The following NOS1 variants were observed in gnomAD, a reference collection of about 807,000 sequenced individuals.
The protein encoded by NOS1 is NOS type I.
Under a neutral mutation model 164.5 loss-of-function variants are expected in NOS1, and 51 were observed. That is an observed-to-expected ratio of 0.31 (90% CI 0.25 to 0.39). NOS1 has a LOEUF of 0.39. Ranked by LOEUF, NOS1 falls within the 10% of genes least tolerant of loss-of-function variation. NOS1 has a pLI of 1.00. For missense variants in NOS1, 1,362 were observed against 1,885.6 expected (o/e 0.72, Z 5.14); for synonymous variants, 719 against 745.8 (o/e 0.96, Z 0.59).
chr12:117,330,891 G>T lies in NOS1; in HGVS notation c.179C>A (p.Ala60Asp). ...GTTGACCGCAAGAATGATGTCTCCGGCCTGGATGAGGCCACTCTGCTCTGC... is the reference window on the plus strand; with the variant it reads ...GTTGACCGCAAGAATGATGTCTCCGTCCTGGATGAGGCCACTCTGCTCTGC... ...GAAEQSGLIQ[A>D]GDIILAVNGR... Residue 60 changes from alanine to aspartate, a missense_variant, in exon 2 of 29, where the codon GCC becomes GAC. Transcript: ENST00000317775. This position sits in a 1 kb window ranked among gnomAD's most constrained non-coding sequence, Gnocchi z 4.6. The T allele has an allele frequency of 6.2e-7, 1 of 1,614,162 alleles. No homozygotes were observed. The highest frequency in any genetic ancestry group is 8.5e-7 in the Non-Finnish European group (1 of 1,180,032).
intron 7 of NOS1, among the ~76,000 whole-genome samples, chr12:117,284,261 C>T (rs1340589766): frequency 6.6e-6 from 1 of 152,154 alleles, no homozygotes; most frequent in Non-Finnish European, 1.5e-5. Context: ...GGAACAGATG[C>T]CGTGGCAGCA....
chr12:117,337,727 T>C (rs1200444128), intron 1 of NOS1, among the ~76,000 whole-genome samples: 1 of 151,926 alleles, frequency 6.6e-6, no homozygotes, highest in Non-Finnish European at 1.5e-5. Context: ...CAGAACCATA[T>C]GAATAGAGAG....
At chr12:117,235,696 C>A (rs910755616) in intron 20 of NOS1, among the ~76,000 whole-genome samples, 1 of 152,126 alleles carries the variant, frequency 6.6e-6, no homozygotes, top group African/African-American at 2.4e-5. Context: ...TGTGCTAATC[C>A]AACAGCTTTC....
chr12:117,286,179 C>T lies in NOS1; in HGVS notation c.1215G>A (p.Glu405=), dbSNP rs1874101012. 1 of 1,614,102 alleles carries T rather than the reference C, an allele frequency of 6.2e-7. No homozygotes were observed. Among genetic ancestry groups the T allele is most frequent in the Non-Finnish European group, 8.5e-7 (1 of 1,180,052 alleles). ...TTSTYQLKDT[E]LIYGAKHAWR... ...AGGCGTGCTTGGCCCCATAGATGAG[C>T]TCTGTGTCCTTGAGCTGGTAAGTGC... The change falls in exon 6 of 29, where the codon GAG becomes GAA. Residue 405 remains glutamate (E), a synonymous_variant. Transcript: ENST00000317775.
intron 13 of NOS1, among the ~76,000 whole-genome samples, chr12:117,261,831 C>T: frequency 6.6e-6 from 1 of 152,130 alleles, no homozygotes; most frequent in East Asian, 1.9e-4. Flanking sequence ...AAAGATGCTG[C>T]CACTGAGACC....
chr12:117,231,619 C>A (rs57081072), intron 22 of NOS1, among the ~76,000 whole-genome samples: 214 of 152,178 alleles, frequency 1.4e-3, no homozygotes, highest in African/African-American at 4.9e-3. Context: ...TATCTTTAAA[C>A]CAAGGCATGG....
At chr12:117,290,102 C>T (rs1199821751) in intron 4 of NOS1, among the ~76,000 whole-genome samples, 196 bp downstream of exon 4, 1 of 152,232 alleles carries the variant, frequency 6.6e-6, no homozygotes, top group Non-Finnish European at 1.5e-5. Context: ...GACGGCAGTG[C>T]TCCTGCTCTG....
Position 117,211,801 on chromosome 12 carries a change from C to T in NOS1, c.*3508G>A, listed in dbSNP as rs1043833974. 2 of 985,144 alleles carry T rather than the reference C, an allele frequency of 2.0e-6. No individual in the cohort carries two copies. The highest frequency in any genetic ancestry group is 2.4e-6 in the Non-Finnish European group (2 of 829,906). The allele number at this position is 985,144 out of a possible 1,614,324, so 61.0% of individuals were successfully genotyped here. On this transcript the variant is annotated 3_prime_UTR_variant, in exon 29 of 29. Transcript: ENST00000317775. Reference sequence around the variant, plus strand: ...TAACCTTTGGCTGGGCGTGGTGGCTCATGCCTGTAATCCAGCACTTTGGGA... The same window carrying T: ...TAACCTTTGGCTGGGCGTGGTGGCTTATGCCTGTAATCCAGCACTTTGGGA...
chr12:117,317,806 G>A (rs923780207), intron 2 of NOS1, among the ~76,000 whole-genome samples: 1 of 152,102 alleles, frequency 6.6e-6, no homozygotes, highest in Non-Finnish European at 1.5e-5. Flanking sequence ...TGTGGCCAGG[G>A]CTATCAGGTG....
At chr12:117,224,134 G>T (rs972428973) in intron 25 of NOS1, among the ~76,000 whole-genome samples, 8 of 152,090 alleles carry the variant, frequency 5.3e-5, no homozygotes, top group African/African-American at 1.9e-4. Flanking sequence ...CTGACTGATT[G>T]ATTTGTTTTT....
At chr12:117,322,835 T>C (rs1022881149) in intron 2 of NOS1, among the ~76,000 whole-genome samples, 1 of 134,204 alleles carries the variant, frequency 7.5e-6, no homozygotes, top group Non-Finnish European at 1.6e-5. Context: ...CCTTCCCTCC[T>C]TCCTTGCTTC....
chr12:117,330,664 A>T lies in NOS1; in HGVS notation c.406T>A (p.Ser136Thr), dbSNP rs753051401. 17 of 1,612,456 alleles carry T rather than the reference A, an allele frequency of 1.1e-5. No homozygotes were observed. The African/African-American group carries it at 2.1e-4, about 20-fold the overall frequency. Residue 136 changes from serine to threonine, a missense_variant, in exon 2 of 29, where the codon TCC (serine) becomes ACC (threonine). Coordinates refer to ENST00000317775, the MANE Select transcript of NOS1 (RefSeq NM_000620.5). This position sits in a 1 kb window ranked among gnomAD's most constrained non-coding sequence, Gnocchi z 4.6. ...LGPPTKAVDL[S>T]HQPPAGKEQP... ...TCTTTGCCGGCCGGTGGCTGGTGGG[A>T]CAGATCCACGGCTTTGGTGGGGGGA...
In NOS1 at chr12:117,211,942, G is replaced by A. The variant is rs1462874041; in HGVS notation, c.*3367C>T. ...TAGCTGGGCGTGGTGGTAGGCGCCTGTAGTCCCAGTTACTCAGGAGGCCGA... is the reference window on the plus strand; with the variant it reads ...TAGCTGGGCGTGGTGGTAGGCGCCTATAGTCCCAGTTACTCAGGAGGCCGA... On this transcript the variant is annotated 3_prime_UTR_variant, in exon 29 of 29. Coordinates refer to ENST00000317775, the MANE Select transcript of NOS1 (RefSeq NM_000620.5). 4 of 620,270 alleles carry A rather than the reference G, an allele frequency of 6.4e-6. No homozygotes were observed. Among genetic ancestry groups the A allele is most frequent in the Non-Finnish European group, 8.1e-6 (4 of 496,714 alleles). The allele number at this position is 620,270 out of a possible 1,614,324, so 38.4% of individuals were successfully genotyped here.
chr12:117,222,055 G>A (rs1404561877), intron 26 of NOS1, among the ~76,000 whole-genome samples: 2 of 151,962 alleles, frequency 1.3e-5, no homozygotes, highest in African/African-American at 2.4e-5. Flanking sequence ...CCTTCTCAGT[G>A]TTACGGGATC....
At position 117,220,130 on chromosome 12, in the gene NOS1, G is replaced by A. The variant is rs1180666246; in HGVS notation, c.4115C>T (p.Thr1372Ile). 1 of 1,613,936 alleles carries A rather than the reference G, an allele frequency of 6.2e-7. No individual in the cohort carries two copies. Among genetic ancestry groups the A allele is most frequent in the South Asian group, 1.1e-5 (1 of 91,060 alleles). Residue 1372 changes from threonine to isoleucine, a missense_variant, in exon 27 of 29, where the codon ACC (threonine) becomes ATC (isoleucine). Transcript: ENST00000317775. ...CTCTGCCGAGAGCTTCCCCTGCTGG[G>A]TCATGATGCGCTGGATGGCTTTGAG... is the stretch of plus-strand genomic sequence containing the variant. ...DVLKAIQRIM[T>I]QQGKLSAEDA...
intron 8 of NOS1, among the ~76,000 whole-genome samples, chr12:117,279,157 T>C (rs1566055435): frequency 2.0e-5 from 3 of 152,004 alleles, no homozygotes; most frequent in African/African-American, 7.2e-5. Flanking sequence ...GGTGGGCGGA[T>C]CATGAGGTCA....
intron 8 of NOS1, among the ~76,000 whole-genome samples, chr12:117,278,707 T>C (rs567291128): frequency 6.6e-6 from 1 of 151,978 alleles, no homozygotes; most frequent in South Asian, 2.1e-4. Flanking sequence ...GTGAAAATAA[T>C]TTTGATTTTA....
intron 1 of NOS1, among the ~76,000 whole-genome samples, chr12:117,346,662 C>A (rs1444102250): frequency 6.6e-6 from 1 of 152,154 alleles, no homozygotes; most frequent in Non-Finnish European, 1.5e-5. Flanking sequence ...CAAGGCCCAG[C>A]CCAGACCTAT....
At chr12:117,307,180 G>A (rs1010173036) in intron 3 of NOS1, among the ~76,000 whole-genome samples, 2 of 152,020 alleles carry the variant, frequency 1.3e-5, no homozygotes, top group African/African-American at 4.8e-5. Context: ...TTCTTCCTTC[G>A]AACCGAGATC....
Sources: allele counts gnomAD v4.1 joint callset (sites outside exome capture counted in the v4.1 genomes callset), GRCh38; gene constraint gnomAD v4.1.1; non-coding constraint Gnocchi (gnomAD v3.1); transcripts MANE v1.5; gene names NCBI Gene and HGNC (gene_info 2026-07-23, HGNC 2026-07-21).